DNAH10: variants seen among roughly 807,000 people sequenced by gnomAD.
The protein encoded by DNAH10 is axonemal beta dynein heavy chain 10.
Under a neutral mutation model 506.6 loss-of-function variants are expected in DNAH10, and 348 were observed. The ratio of observed to expected loss-of-function variants is 0.69; its 90% CI spans 0.63 to 0.75. DNAH10 has a LOEUF of 0.75. DNAH10 is among the 30% of genes least tolerant of loss of function. The pLI is 0.00. For synonymous variants in DNAH10, 2,059 were observed against 2,198.6 expected (o/e 0.94, Z 1.78); for missense variants, 5,179 against 5,787.1 (o/e 0.89, Z 3.41).
At chr12:123,841,601 T>C (rs1950778817) in intron 30 of DNAH10, 56 bp downstream of exon 30, 2 of 1,540,398 alleles carry the variant, frequency 1.3e-6, no homozygotes, top group Non-Finnish European at 8.9e-7. Flanking sequence ...TCATAATGGA[T>C]TAATTTTAAA....
chr12:123,800,698 AG>A lies in DNAH10; in HGVS notation c.2462+311del, dbSNP rs550294797. On this transcript the variant is annotated intron_variant, in intron 15 of 78. Coordinates refer to ENST00000673944, the MANE Select transcript of DNAH10 (RefSeq NM_001372106.1). Reference sequence around the variant, plus strand: ...GCCTGTATCCAAAAAAAAAAAAAGAAGAAAAAAAAATTGAAGCTAAGAAAAG... The same window carrying A: ...GCCTGTATCCAAAAAAAAAAAAAGAAAAAAAAAAATTGAAGCTAAGAAAAG... 3.3e-5 allele frequency among the ~76,000 whole-genome samples: 5 copies of A among 151,524 alleles called. No individual in the cohort carries two copies. The East Asian group carries it at 9.7e-4, about 29-fold the overall frequency.
intron 46 of DNAH10, among the ~76,000 whole-genome samples, chr12:123,874,499 C>T (rs984509152): frequency 2.0e-5 from 3 of 151,822 alleles, no homozygotes; most frequent in Non-Finnish European, 2.9e-5. Context: ...TTCCATCTAC[C>T]TGTCCATTTA....
rs760248622 is a variant in DNAH10 at position 123,787,883 on chromosome 12, AC to A, written c.1504del (p.Arg502GlyfsTer4). On this transcript the variant is annotated frameshift_variant, in exon 10 of 79. Transcript: ENST00000673944. LOFTEE classifies it high-confidence loss of function. This position sits in a 1 kb window ranked among gnomAD's most constrained non-coding sequence, Gnocchi z 4.6. ...LRLWKKAYFD[T>X]RAKIEASGRE... is the part of the protein sequence containing the mutation. ...GCTGTGGAAAAAGGCCTATTTTGACACCCGGGCCAAGATAGAGGCTTCGGGG... is the reference window on the plus strand; with the variant it reads ...GCTGTGGAAAAAGGCCTATTTTGACACCGGGCCAAGATAGAGGCTTCGGGG... The A allele has an allele frequency of 6.2e-7, 1 of 1,613,662 alleles. No individual in the cohort carries two copies. Among genetic ancestry groups the A allele is most frequent in the Non-Finnish European group, 8.5e-7 (1 of 1,179,886 alleles).
At chr12:123,809,080 T>G (rs776711181) in intron 19 of DNAH10, 127 bp downstream of exon 19, 32 of 1,138,318 alleles carry the variant, frequency 2.8e-5, no homozygotes, top group Non-Finnish European at 3.3e-5. Context: ...GCCTTGTGAC[T>G]CAGTCATCCC....
intron 15 of DNAH10, 32 bp from the exon 16 acceptor site, chr12:123,801,249 C>T: frequency 5.0e-6 from 8 of 1,605,446 alleles, no homozygotes; most frequent in Non-Finnish European, 6.8e-6. Flanking sequence ...AAGGTGCTCT[C>T]CTCAGGTTTA....
At chr12:123,796,872 A>ATT (rs368845242) in intron 13 of DNAH10, 40 bp downstream of exon 13, 2,058 of 1,281,704 alleles carry the variant, frequency 1.6e-3, no homozygotes, top group South Asian at 2.7e-3. Context: ...TTTGTATTTG[A>ATT]TTTTTTTTTT....
chr12:123,905,076 C>CT (rs1474491022), intron 57 of DNAH10, among the ~76,000 whole-genome samples: 1 of 152,144 alleles, frequency 6.6e-6, no homozygotes, highest in East Asian at 1.9e-4. Flanking sequence ...CCTGCAAATC[C>CT]TTTTTTCCTT....
chr12:123,927,378 T>TCA (rs1954994219), intron 69 of DNAH10: 1 of 166,798 alleles, frequency 6.0e-6, no homozygotes, highest in East Asian at 1.9e-4. Flanking sequence ...CAAAGCCCTT[T>TCA]CACACACAGT....
rs1187971611 is a variant in DNAH10, at chr12:123,913,268, G to A, written c.10305G>A (p.Leu3435=). 1 of 1,606,724 alleles carries A rather than the reference G, an allele frequency of 6.2e-7. No individual in the cohort carries two copies. Among genetic ancestry groups the A allele is most frequent in the Non-Finnish European group, 8.5e-7 (1 of 1,176,978 alleles). ...QEEAEIMERR[L]IAADKLISGL... ...AAGCCGAGATCATGGAGAGGCGGCT[G>A]ATTGCCGCAGACAAACTCATCTCGG... The change falls in exon 60 of 79, where the codon CTG becomes CTA. Residue 3435 remains leucine, a synonymous_variant. Transcript: ENST00000673944. This position sits in a 1 kb window ranked among gnomAD's most constrained non-coding sequence, Gnocchi z 5.1.
chr12:123,848,847 C>G lies in DNAH10; in HGVS notation c.6067C>G (p.Arg2023Gly), dbSNP rs753452103. 1 of 1,613,778 alleles carries G rather than the reference C, an allele frequency of 6.2e-7. No homozygotes were observed. The highest frequency in any genetic ancestry group is 8.5e-7 in the Non-Finnish European group (1 of 1,179,838). Residue 2023 changes from arginine (R) to glycine (G), a missense_variant, in exon 34 of 79, where the codon CGA becomes GGA. Around this residue, in one of 3 missense-constraint regions of DNAH10, gnomAD observed 4,844 missense variants for 5,430.5 expected, o/e 0.89. Transcript: ENST00000673944. ...SVISSQIQTI[R>G]NALIHQLTTF... ...GATCTCCTCCCAGATCCAGACGATC[C>G]GAAATGCTCTGATCCATCAGTTAAC... is the stretch of plus-strand genomic sequence containing the variant.
intron 53 of DNAH10, 107 bp from the exon 54 acceptor site, chr12:123,894,536 G>A (rs1344093013): frequency 5.1e-6 from 5 of 987,036 alleles, no homozygotes; most frequent in East Asian, 2.6e-5. Context: ...GGGATTACAG[G>A]TGTGAGCCAC....
chr12:123,914,404 C>A lies in DNAH10; in HGVS notation c.10428C>A (p.Phe3476Leu). 6.2e-7 allele frequency: 1 copy of A among 1,613,684 alleles called. No individual in the cohort carries two copies. Among genetic ancestry groups the A allele is most frequent in the South Asian group, 1.1e-5 (1 of 91,088 alleles). ...LLGDCLLCAA[F>L]LSYEGAFTWE... ...GGGACTGCCTGCTCTGCGCGGCTTT[C>A]CTCAGCTACGAGGGAGCCTTCACCT... Residue 3476 changes from phenylalanine to leucine, a missense_variant, in exon 61 of 79, where the codon TTC becomes TTA. Phe to Leu is a conservative substitution (Grantham distance 22). Around this residue, in one of 3 missense-constraint regions of DNAH10, gnomAD observed 4,844 missense variants for 5,430.5 expected, o/e 0.89. Coordinates refer to ENST00000673944, the MANE Select transcript of DNAH10 (RefSeq NM_001372106.1).
intron 21 of DNAH10, 76 bp downstream of exon 21, chr12:123,813,988 A>G (rs1959047997): frequency 1.5e-6 from 2 of 1,352,682 alleles, no homozygotes; most frequent in Admixed American, 3.0e-5. Flanking sequence ...AATGCTTCTC[A>G]AGTATACTGC....
Position 123,762,366 on chromosome 12 carries a change from CGACCG to C in DNAH10, c.31_35del (p.Asp11ArgfsTer60). On this transcript the variant is annotated frameshift_variant, in exon 1 of 79. Coordinates refer to ENST00000673944, the MANE Select transcript of DNAH10 (RefSeq NM_001372106.1). LOFTEE classifies it high-confidence loss of function. The surrounding 1 kb of genome is among the most constrained non-coding windows in gnomAD (Gnocchi z 5.0). The stretch of plus-strand genomic sequence containing the variant: ...ACGACCTGCGGGTGCTGTGGATGCG[CGACCG>C]CGTGTATGCGGCTTTCGGCATCACC... 1 of 1,366,156 alleles carries C rather than the reference CGACCG, an allele frequency of 7.3e-7. No individual in the cohort carries two copies. The highest frequency in any genetic ancestry group is 9.5e-7 in the Non-Finnish European group (1 of 1,056,506). The allele number at this position is 1,366,156 out of a possible 1,614,324, so 84.6% of individuals were successfully genotyped here.
rs1951129508 is a variant in DNAH10, at chr12:123,850,835, T to C, written c.6103-53T>C. ...GCCGCAGGCCCCCTTTCCAAGGGGC[T>C]GGCCGGCCGGGCCACCTAACTGCTT... On this transcript the variant is annotated intron_variant, in intron 34 of 78. Coordinates refer to ENST00000673944, the MANE Select transcript of DNAH10 (RefSeq NM_001372106.1). The surrounding 1 kb of genome is among the most constrained non-coding windows in gnomAD (Gnocchi z 5.5). 11 of 1,557,196 alleles carry C rather than the reference T, an allele frequency of 7.1e-6. No homozygotes were observed. The highest frequency in any genetic ancestry group is 7.8e-6 in the Non-Finnish European group (9 of 1,150,130).
rs1952325695 is a variant in DNAH10 at position 123,877,800 on chromosome 12, A to G, written c.8264A>G (p.Lys2755Arg). ...ACATTCTGCACGCTAGCACTTTACAAAAATATTGTGCAAGACCTACCTCCC... is the reference window on the plus strand; with the variant it reads ...ACATTCTGCACGCTAGCACTTTACAGAAATATTGTGCAAGACCTACCTCCC... ...KLTFCTLALY[K>R]NIVQDLPPTP... The change falls in exon 48 of 79, where the codon AAA becomes AGA. Residue 2755 changes from lysine to arginine, a missense_variant. Physicochemically the swap from Lys to Arg is conservative, Grantham distance 26. This residue lies in a region of DNAH10 where 4,844 missense variants were observed against 5,430.5 expected (regional missense o/e 0.89). Transcript: ENST00000673944. 6 of 1,614,014 alleles carry G rather than the reference A, an allele frequency of 3.7e-6. No homozygotes were observed. The highest frequency in any genetic ancestry group is 1.6e-4 in the Middle Eastern group (1 of 6,062).
intron 13 of DNAH10, among the ~76,000 whole-genome samples, 195 bp downstream of exon 13, chr12:123,797,027 C>G (rs531123048): frequency 6.6e-4 from 100 of 152,262 alleles, no homozygotes; most frequent in African/African-American, 2.2e-3. Context: ...TGTGCCACCA[C>G]GTCCGGCTAA....
At position 123,917,331 on chromosome 12, in the gene DNAH10, C is replaced by T. The variant is rs562627736; in HGVS notation, c.11003-253C>T. On this transcript the variant is annotated intron_variant, in intron 63 of 78. Transcript: ENST00000673944. The surrounding 1 kb of genome is among the most constrained non-coding windows in gnomAD (Gnocchi z 5.6). Reference sequence around the variant, plus strand: ...CTGGGTATACTTTAAACTATGGCACCCCAGTCCGTGGAAGCCTGGGTTTTA... The same window carrying T: ...CTGGGTATACTTTAAACTATGGCACTCCAGTCCGTGGAAGCCTGGGTTTTA... Among the ~76,000 whole-genome samples, 6 of 152,222 alleles carry T rather than the reference C, an allele frequency of 3.9e-5. No homozygotes were observed. Among genetic ancestry groups the T allele is most frequent in the Middle Eastern group, 6.8e-3 (2 of 294 alleles).
rs1957882674 is a variant in DNAH10 at position 123,787,043 on chromosome 12, G to T, written c.1422-761G>T. ...AATCCCAGCCACTCAGGAGGCTGAG[G>T]CAGGAGAATCGCTTGAACCCAGGAA... On this transcript the variant is annotated intron_variant, in intron 9 of 78. Coordinates refer to ENST00000673944, the MANE Select transcript of DNAH10 (RefSeq NM_001372106.1). This position sits in a 1 kb window ranked among gnomAD's most constrained non-coding sequence, Gnocchi z 4.6. Among the ~76,000 whole-genome samples, 1 of 152,162 alleles carries T rather than the reference G, an allele frequency of 6.6e-6. No homozygotes were observed. Among genetic ancestry groups the T allele is most frequent in the African/African-American group, 2.4e-5 (1 of 41,420 alleles).
Sources: gnomAD v4.1 joint callset for allele counts (sites outside exome capture counted in the v4.1 genomes callset) on GRCh38, gnomAD v4.1.1 for gene constraint, gnomAD v4.1.1 regional missense constraint, Gnocchi (gnomAD v3.1) non-coding constraint, MANE v1.5 for transcripts, NCBI Gene and HGNC (gene_info 2026-07-23, HGNC 2026-07-21) for gene names.